The following NRG4 variants were observed in gnomAD, a reference collection of about 807,000 sequenced individuals.
The protein encoded by NRG4 is pro-neuregulin-4, membrane-bound isoform.
Under a neutral mutation model 15.0 loss-of-function variants are expected in NRG4, and 10 were observed. The ratio of observed to expected loss-of-function variants is 0.67; its 90% CI spans 0.41 to 1.13. NRG4 has a LOEUF of 1.13. Ranked by LOEUF, NRG4 falls within the 50% of genes most tolerant of loss-of-function variation. The pLI is 0.00. For missense variants in NRG4, 139 were observed against 140.2 expected, an observed-to-expected ratio of 0.99 and a Z score of 0.04; for synonymous variants, 41 against 50.1, an observed-to-expected ratio of 0.82 and a Z score of 0.77.
At position 75,977,780 on chromosome 15, in the gene NRG4, T is replaced by C. The variant is rs2033433116; in HGVS notation, c.105-15806A>G. On this transcript the variant is annotated intron_variant, in intron 3 of 5. Transcript: ENST00000394907. The surrounding 1 kb of genome is among the most constrained non-coding windows in gnomAD (Gnocchi z 4.9). ...ATTTGGCCATCTTATCACTTCTTTCTTTTGGGAACATTCCCAATCTTCTCT... is the reference window on the plus strand; with the variant it reads ...ATTTGGCCATCTTATCACTTCTTTCCTTTGGGAACATTCCCAATCTTCTCT... Among the ~76,000 whole-genome samples, 1 of 152,192 alleles carries C rather than the reference T, an allele frequency of 6.6e-6. No individual in the cohort carries two copies. The highest frequency in any genetic ancestry group is 1.5e-5 in the Non-Finnish European group (1 of 68,022).
chr15:76,044,123 G>A (rs1259626188), intron 4 of NRG4, among the ~76,000 whole-genome samples: 6 of 151,698 alleles, frequency 4.0e-5, no homozygotes, highest in East Asian at 3.9e-4. Context: ...TCAGCCTCCC[G>A]AGTAGCTGGG....
intron 3 of NRG4, among the ~76,000 whole-genome samples, chr15:75,963,651 G>T (rs983954454): frequency 1.3e-5 from 2 of 152,048 alleles, no homozygotes; most frequent in African/African-American, 2.4e-5. Flanking sequence ...GGTGGTGCAC[G>T]CCTGTAGTCA....
chr15:75,970,290 T>C (rs1041026366), intron 3 of NRG4, among the ~76,000 whole-genome samples: 2 of 152,234 alleles, frequency 1.3e-5, no homozygotes, highest in African/African-American at 4.8e-5. Flanking sequence ...ACAATAAATG[T>C]TGGTTTTCAA....
intron 3 of NRG4, among the ~76,000 whole-genome samples, chr15:75,973,145 A>C (rs892532402): frequency 5.3e-5 from 8 of 152,078 alleles, no homozygotes; most frequent in Non-Finnish European, 1.0e-4. Context: ...TGTGAATGGG[A>C]ATTCACTCAT....
At chr15:76,043,740 C>T (rs948997523) in intron 4 of NRG4, among the ~76,000 whole-genome samples, 1 of 152,170 alleles carries the variant, frequency 6.6e-6, no homozygotes, top group Admixed American at 6.5e-5. Context: ...GCAATGCAAT[C>T]TCTATCAAAA....
chr15:76,029,234 T>G (rs2035404805), intron 5 of NRG4, among the ~76,000 whole-genome samples: 1 of 152,102 alleles, frequency 6.6e-6, no homozygotes, highest in South Asian at 2.1e-4. Context: ...AAAAGAGCAT[T>G]TGATAAAATT....
At chr15:75,998,482 C>A (rs2034292654) in intron 3 of NRG4, among the ~76,000 whole-genome samples, 3 of 152,082 alleles carry the variant, frequency 2.0e-5, no homozygotes, top group Admixed American at 2.0e-4. Context: ...CACCTTAAGT[C>A]TGGAACTTTC....
chr15:76,004,617 A>T (rs946372107), intron 3 of NRG4, among the ~76,000 whole-genome samples: 41 of 149,860 alleles, frequency 2.7e-4, no homozygotes, highest in South Asian at 2.3e-3. Flanking sequence ...AAAAAAAAAA[A>T]TTTTTTTTTA....
At chr15:75,960,002 A>G (rs2032438171) in intron 4 of NRG4, among the ~76,000 whole-genome samples, 1 of 152,214 alleles carries the variant, frequency 6.6e-6, no homozygotes, top group Admixed American at 6.5e-5. Flanking sequence ...CCTGCTTGCC[A>G]ATCCATACTA....
At chr15:76,006,670 C>T (rs2034618983) in intron 3 of NRG4, among the ~76,000 whole-genome samples, 1 of 152,154 alleles carries the variant, frequency 6.6e-6, no homozygotes, top group Admixed American at 6.5e-5. Context: ...CAGCTACTCC[C>T]AATTACTACT....
intron 4 of NRG4, among the ~76,000 whole-genome samples, chr15:76,044,818 G>A (rs1181156311): frequency 2.7e-5 from 4 of 146,364 alleles, no homozygotes; most frequent in Non-Finnish European, 6.0e-5. Flanking sequence ...TCCAACCTGG[G>A]CGACAGAGCG....
intron 5 of NRG4, among the ~76,000 whole-genome samples, chr15:75,945,470 C>T (rs1170073824): frequency 6.6e-6 from 1 of 151,906 alleles, no homozygotes; most frequent in Non-Finnish European, 1.5e-5. Flanking sequence ...AGGCTGGTCT[C>T]GAACTCCTGT....
rs868520387 is a variant in NRG4 at position 75,990,481 on chromosome 15, G to T, written c.104+18719C>A. 2.0e-5 allele frequency among the ~76,000 whole-genome samples: 3 copies of T among 151,744 alleles called. No individual in the cohort carries two copies. In the Middle Eastern group the frequency reaches 0.01, roughly 516 times the overall value. ...TGTCCCGTACTGCCTGTTGTCAACT[G>T]TCTGAAAAAAGGGTGTTTCATTTAT... is the stretch of plus-strand genomic sequence containing the variant. On this transcript the variant is annotated intron_variant, in intron 3 of 5. Transcript: ENST00000394907.
chr15:76,058,911 C>CT (rs576581603), intron 1 of NRG4, among the ~76,000 whole-genome samples: 74 of 151,418 alleles, frequency 4.9e-4, no homozygotes, highest in African/African-American at 1.4e-3. Context: ...TGGGTGAGGA[C>CT]TTTTTTTTTA....
chr15:76,052,327 G>A (rs1407926821), intron 3 of NRG4: 1 of 151,090 alleles, frequency 6.6e-6, no homozygotes, highest in East Asian at 1.9e-4. Flanking sequence ...AGAAGCAGAA[G>A]TTTCACTTTG....
intron 3 of NRG4, among the ~76,000 whole-genome samples, chr15:75,963,008 T>C (rs1211735560): frequency 2.6e-5 from 4 of 152,186 alleles, no homozygotes; most frequent in Non-Finnish European, 1.5e-5. Flanking sequence ...CACCTTAGAC[T>C]AATAAGGATA....
At chr15:76,019,485 T>C (rs980104692) in intron 5 of NRG4, among the ~76,000 whole-genome samples, 8 of 152,270 alleles carry the variant, frequency 5.3e-5, no homozygotes, top group Non-Finnish European at 8.8e-5. Flanking sequence ...AGGGCCCTGA[T>C]GGCGTAGGCA....
In NRG4 at chr15:75,961,830, G is replaced by T; in HGVS notation, c.249C>A (p.Cys83Ter). The change falls in exon 4 of 6, where the codon TGC becomes TGA. Residue 83 changes from cysteine (C) to a stop codon, truncating the protein, a stop_gained and splice_region_variant. Coordinates refer to ENST00000394907, the MANE Select transcript of NRG4 (RefSeq NM_138573.4). LOFTEE classifies it high-confidence loss of function. ...AAGCATGTTTCTATTTTACTTACCT[G>T]CAAAGGAAGTAGAAGGCTCCAATGA... is the stretch of plus-strand genomic sequence containing the variant. ...TLIIGAFYFL[C>*]RKGHFQRASS... 6.2e-7 allele frequency: 1 copy of T among 1,606,928 alleles called. No homozygotes were observed. The highest frequency in any genetic ancestry group is 1.1e-5 in the South Asian group (1 of 89,458).
At chr15:76,059,853 C>T (rs1290158062), upstream of NRG4, 1 of 145,420 alleles carries the variant, frequency 6.9e-6, no homozygotes, top group East Asian at 2.0e-4. Flanking sequence ...CTCGGCCAAG[C>T]CGCCGGCGCG....
Sources: allele counts gnomAD v4.1 joint callset (sites outside exome capture counted in the v4.1 genomes callset), GRCh38; gene constraint gnomAD v4.1.1; non-coding constraint Gnocchi (gnomAD v3.1); transcripts MANE v1.5; gene names NCBI Gene and HGNC (gene_info 2026-07-23, HGNC 2026-07-21).